The following HELB variants were observed in gnomAD, a reference collection of about 807,000 sequenced individuals.
HELB encodes the protein DNA 5'-3' helicase B.
In HELB, 96 loss-of-function variants were observed where a neutral mutation model predicts 101.7. That is an observed-to-expected ratio of 0.94 (90% CI 0.80 to 1.12). The LOEUF is 1.12. Ranked by LOEUF, HELB falls within the 50% of genes most tolerant of loss-of-function variation. HELB has a pLI of 0.00. For synonymous variants in HELB, 437 were observed against 459.7 expected (o/e 0.95, Z 0.63); for missense variants, 1,210 against 1,291.9 (o/e 0.94, Z 0.97).
Position 66,324,695 on chromosome 12 carries a change from C to G in HELB, c.2527-288C>G, listed in dbSNP as rs868183631. Among the ~76,000 whole-genome samples, 15 of 152,052 alleles carry G rather than the reference C, an allele frequency of 9.9e-5. No individual in the cohort carries two copies. In the South Asian group the frequency reaches 3.1e-3, roughly 31 times the overall value. On this transcript the variant is annotated intron_variant, in intron 10 of 12. Transcript: ENST00000247815. The stretch of plus-strand genomic sequence containing the variant: ...TCTACTCAGACTTATGTAGTCAATA[C>G]AAGAAATGAATGTATAGACTTCAAA...
At chr12:66,313,275 G>A (rs879711747) in intron 4 of HELB, among the ~76,000 whole-genome samples, 33 of 152,214 alleles carry the variant, frequency 2.2e-4, no homozygotes, top group Middle Eastern at 6.8e-3. Context: ...AATCTGAAAT[G>A]CTCCAGTGAG....
chr12:66,322,494 G>C (rs2053681561), intron 8 of HELB, among the ~76,000 whole-genome samples: 1 of 150,932 alleles, frequency 6.6e-6, no homozygotes, highest in Admixed American at 6.6e-5. Flanking sequence ...GAACCCGGGA[G>C]GTGGAGGTTG....
At chr12:66,335,113 A>G (rs1423016899) in intron 12 of HELB, among the ~76,000 whole-genome samples, 1 of 152,200 alleles carries the variant, frequency 6.6e-6, no homozygotes, top group Admixed American at 6.5e-5. Flanking sequence ...GGGGAAATAA[A>G]GCGTTCTCTT....
intron 12 of HELB, among the ~76,000 whole-genome samples, chr12:66,335,627 A>G (rs1050549419): frequency 3.9e-5 from 6 of 152,236 alleles, no homozygotes; most frequent in African/African-American, 1.2e-4. Context: ...GTGTGTTGCT[A>G]GAATGGTCCA....
intron 3 of HELB, among the ~76,000 whole-genome samples, chr12:66,309,426 G>T (rs1374680179): frequency 3.3e-5 from 5 of 152,140 alleles, no homozygotes; most frequent in Admixed American, 3.3e-4. Context: ...GAAGGCATGA[G>T]AAGGGATAAG....
chr12:66,331,129 C>T (rs1271995230), intron 11 of HELB, 25 bp from the exon 12 acceptor site: 1 of 1,574,482 alleles, frequency 6.4e-7, no homozygotes, highest in Non-Finnish European at 8.6e-7. Context: ...AGCATTTAGT[C>T]TTCACACCAT....
At chr12:66,304,383 A>G (rs1260993413) in intron 1 of HELB, among the ~76,000 whole-genome samples, 1 of 152,244 alleles carries the variant, frequency 6.6e-6, no homozygotes, top group East Asian at 1.9e-4. Flanking sequence ...GTGAAGGGCC[A>G]TGGCATTTTA....
intron 9 of HELB, among the ~76,000 whole-genome samples, chr12:66,323,117 C>T (rs1163318919): frequency 2.0e-5 from 3 of 152,032 alleles, no homozygotes; most frequent in Non-Finnish European, 4.4e-5. Flanking sequence ...ATCTTAGCAA[C>T]AGGGTGCCTG....
At chr12:66,337,975 CTT>C (rs2053884145) in intron 12 of HELB, 24 bp from the exon 13 acceptor site, 1 of 1,329,906 alleles carries the variant, frequency 7.5e-7, no homozygotes, top group Non-Finnish European at 1.1e-6. Flanking sequence ...ACAAAATTAA[CTT>C]TGTTATTTTA....
intron 11 of HELB, among the ~76,000 whole-genome samples, chr12:66,328,870 A>C (rs2053773641): frequency 6.6e-6 from 1 of 152,140 alleles, no homozygotes; most frequent in African/African-American, 2.4e-5. Context: ...AATTCTATCC[A>C]TTTCTTTTTT....
chr12:66,326,039 T>A (rs2053733253), intron 11 of HELB, among the ~76,000 whole-genome samples: 2 of 152,338 alleles, frequency 1.3e-5, no homozygotes, highest in South Asian at 4.1e-4. Flanking sequence ...CTAACTAAAC[T>A]ATGCATATTC....
At chr12:66,326,954 T>A (rs2053745733) in intron 11 of HELB, among the ~76,000 whole-genome samples, 1 of 140,636 alleles carries the variant, frequency 7.1e-6, no homozygotes, top group Non-Finnish European at 1.5e-5. Context: ...GAGAATCACT[T>A]GATCCTGGGA....
At chr12:66,314,779 T>A (rs2053583104) in intron 5 of HELB, among the ~76,000 whole-genome samples, 1 of 152,170 alleles carries the variant, frequency 6.6e-6, no homozygotes, top group South Asian at 2.1e-4. Flanking sequence ...GTTTTTCTTA[T>A]ATTTAGGGCT....
intron 7 of HELB, among the ~76,000 whole-genome samples, chr12:66,320,601 T>A (rs900690568): frequency 2.6e-5 from 4 of 152,200 alleles, no homozygotes; most frequent in Admixed American, 2.0e-4. Flanking sequence ...TTAATGAGAA[T>A]GTACTTTTAA....
intron 6 of HELB, among the ~76,000 whole-genome samples, chr12:66,317,113 C>T (rs1205040629): frequency 2.0e-5 from 3 of 151,470 alleles, no homozygotes; most frequent in Admixed American, 2.0e-4. Context: ...AGGAGAATCG[C>T]TTGAACCCTG....
At position 66,324,036 on chromosome 12, in the gene HELB, G is replaced by A; in HGVS notation, c.2351G>A (p.Arg784Lys). 1.2e-6 allele frequency: 2 copies of A among 1,613,556 alleles called. No individual in the cohort carries two copies. The highest frequency in any genetic ancestry group is 1.7e-6 in the Non-Finnish European group (2 of 1,179,700). The change falls in exon 10 of 13, where the codon AGG (arginine) becomes AAG (lysine). Residue 784 changes from arginine (R) to lysine (K), a missense_variant. Physicochemically the swap from Arg to Lys is conservative, Grantham distance 26 (BLOSUM62 2). Transcript: ENST00000247815. ...FGIGDKICCT[R>K]NAYLSDLLPE... ...ATTGGTGATAAAATTTGTTGTACCA[G>A]GAATGCATACCTCTCAGACTTACTA...
At chr12:66,342,868 G>A (rs1005973829), downstream of HELB, 1 of 151,484 alleles carries the variant, frequency 6.6e-6, no homozygotes, top group Non-Finnish European at 1.5e-5. Flanking sequence ...CTGATTTTTT[G>A]TATTTTTAGT....
intron 11 of HELB, among the ~76,000 whole-genome samples, chr12:66,327,066 A>AAAAATATATATATATATATAT (rs2053749764): frequency 2.1e-5 from 1 of 46,808 alleles, no homozygotes; most frequent in African/African-American, 1.3e-4. Context: ...AAAAAAAAAA[A>AAAAATATATATATATATATAT]ATATATATAT....
In HELB at chr12:66,313,901, G is replaced by A. The variant is rs942656597; in HGVS notation, c.1681-85G>A. 2.4e-6 allele frequency: 3 copies of A among 1,266,712 alleles called. No homozygotes were observed. In the African/African-American group the frequency reaches 4.5e-5, roughly 19 times the overall value. The allele number at this position is 1,266,712 out of a possible 1,614,324, so 78.5% of individuals were successfully genotyped here. A position where few individuals can be genotyped will look rare whatever the true frequency, so the allele number is the denominator to read the frequency against. ...CCCACCCACCCCTGCCAATTTACGA[G>A]TTTTGCCCCAAAATAACTTGCTATT... On this transcript the variant is annotated intron_variant, in intron 4 of 12. Transcript: ENST00000247815.
Sources: gnomAD v4.1 joint callset for allele counts (sites outside exome capture counted in the v4.1 genomes callset) on GRCh38, gnomAD v4.1.1 for gene constraint, MANE v1.5 for transcripts, NCBI Gene and HGNC (gene_info 2026-07-23, HGNC 2026-07-21) for gene names.